The following ADAMTS17 variants were observed in gnomAD, a reference collection of about 807,000 sequenced individuals.
The protein encoded by ADAMTS17 is A disintegrin and metalloproteinase with thrombospondin motifs 17.
A neutral mutation model predicts 141.5 loss-of-function variants in ADAMTS17; 113 were observed. The observed-to-expected ratio is 0.80, with a 90% CI of 0.69 to 0.93. The LOEUF is 0.93. Ranked by LOEUF, ADAMTS17 falls within the 40% of genes least tolerant of loss-of-function variation. The pLI is 0.00. For missense variants in ADAMTS17, 1,659 were observed against 1,517.9 expected (o/e 1.09, Z -1.54); for synonymous variants, 768 against 630.6 (o/e 1.22, Z -3.27).
chr15:100,161,853 C>G, intron 8 of ADAMTS17, among the ~76,000 whole-genome samples: 1 of 152,308 alleles, frequency 6.6e-6, no homozygotes, highest in African/African-American at 2.4e-5. Context: ...AACAAATAGG[C>G]AGCAATAGCA....
At chr15:100,108,009 C>A (rs1378749514) in intron 14 of ADAMTS17, among the ~76,000 whole-genome samples, 1 of 152,122 alleles carries the variant, frequency 6.6e-6, no homozygotes, top group Non-Finnish European at 1.5e-5. Flanking sequence ...TGCTGCGCCA[C>A]CTCAGGAGGT....
intron 3 of ADAMTS17, among the ~76,000 whole-genome samples, chr15:100,294,076 A>C (rs1300400953): frequency 6.6e-6 from 1 of 152,160 alleles, no homozygotes; most frequent in African/African-American, 2.4e-5. Context: ...CTTAAGGTAG[A>C]TGTGGGATTA....
At chr15:100,211,159 G>C (rs1400195424) in intron 7 of ADAMTS17, among the ~76,000 whole-genome samples, 2 of 143,584 alleles carry the variant, frequency 1.4e-5, no homozygotes, top group African/African-American at 5.0e-5. Context: ...AAAATTAGCA[G>C]GGCATGGTGG....
intron 10 of ADAMTS17, among the ~76,000 whole-genome samples, chr15:100,150,473 G>A (rs548427330): frequency 6.6e-6 from 1 of 152,050 alleles, no homozygotes; most frequent in East Asian, 1.9e-4. Flanking sequence ...GTTAAAATGG[G>A]GTTAAAAGCC....
At chr15:100,037,499 C>A (rs2141518229) in intron 18 of ADAMTS17, among the ~76,000 whole-genome samples, 1 of 152,016 alleles carries the variant, frequency 6.6e-6, no homozygotes, top group Admixed American at 6.5e-5. Context: ...CAACCTTCGC[C>A]TCTGGGGCTC....
At chr15:100,034,750 C>A (rs1053072676) in intron 18 of ADAMTS17, among the ~76,000 whole-genome samples, 1 of 152,204 alleles carries the variant, frequency 6.6e-6, no homozygotes, top group Non-Finnish European at 1.5e-5. Flanking sequence ...CTCCATCCTG[C>A]TCCCTCGTGT....
chr15:100,099,392 T>C (rs1032118526), intron 14 of ADAMTS17, among the ~76,000 whole-genome samples: 4 of 152,216 alleles, frequency 2.6e-5, no homozygotes, highest in African/African-American at 4.8e-5. Context: ...GAAACTGGGA[T>C]GGTTTTCAAA....
At chr15:100,110,079 G>A (rs781465248) in intron 13 of ADAMTS17, among the ~76,000 whole-genome samples, 17 of 149,740 alleles carry the variant, frequency 1.1e-4, no homozygotes, top group Non-Finnish European at 1.9e-4. Context: ...GTAATGCTGG[G>A]TCTGTGAACT....
intron 13 of ADAMTS17, among the ~76,000 whole-genome samples, chr15:100,112,603 C>A (rs1217238789): frequency 6.6e-6 from 1 of 152,010 alleles, no homozygotes; most frequent in African/African-American, 2.4e-5. Context: ...AGCTTTGCAC[C>A]CAGCATCAAC....
At chr15:100,246,481 C>T (rs4246310) in intron 7 of ADAMTS17, among the ~76,000 whole-genome samples, 103,171 of 152,078 alleles carry the variant, frequency 0.68, 35,273 homozygotes, top group East Asian at 0.8. Flanking sequence ...AGGTAGCCTC[C>T]GACAAACAGA....
intron 3 of ADAMTS17, among the ~76,000 whole-genome samples, chr15:100,319,151 G>T (rs147301019): frequency 6.6e-6 from 1 of 152,352 alleles, no homozygotes; most frequent in Non-Finnish European, 1.5e-5. Context: ...CCCAAAGAGG[G>T]TAGAATAGCA....
intron 15 of ADAMTS17, among the ~76,000 whole-genome samples, chr15:100,061,422 G>A (rs866935713): frequency 3.3e-5 from 5 of 152,166 alleles, no homozygotes; most frequent in South Asian, 2.1e-4. Flanking sequence ...CCACTATCGC[G>A]GATGCTATTG....
chr15:100,336,988 C>T (rs1273217393), intron 2 of ADAMTS17, among the ~76,000 whole-genome samples: 1 of 152,176 alleles, frequency 6.6e-6, no homozygotes, highest in Middle Eastern at 3.2e-3. Flanking sequence ...ATTCTCCTGC[C>T]TCAGCCTCCC....
At chr15:100,093,254 G>A (rs1596402037) in intron 15 of ADAMTS17, among the ~76,000 whole-genome samples, 1 of 152,250 alleles carries the variant, frequency 6.6e-6, no homozygotes, top group Middle Eastern at 3.4e-3. Flanking sequence ...CGCCACGTGT[G>A]GGTCTGCCCT....
chr15:100,266,552 G>C (rs948996025), intron 4 of ADAMTS17, among the ~76,000 whole-genome samples: 2 of 152,170 alleles, frequency 1.3e-5, no homozygotes, highest in African/African-American at 4.8e-5. Flanking sequence ...CCTGGAATGA[G>C]GCTGCTCTCC....
chr15:100,098,830 G>T (rs1000553851), intron 14 of ADAMTS17, among the ~76,000 whole-genome samples: 3 of 152,090 alleles, frequency 2.0e-5, no homozygotes, highest in African/African-American at 7.2e-5. Flanking sequence ...CTTCTGCTGG[G>T]GCCACAGGGC....
At chr15:100,262,241 G>A in intron 5 of ADAMTS17, 111 bp downstream of exon 5, 1 of 959,484 alleles carries the variant, frequency 1.0e-6, no homozygotes, top group Non-Finnish European at 1.6e-6. Context: ...GCCACAGAGA[G>A]TGACGGAGAC....
intron 18 of ADAMTS17, among the ~76,000 whole-genome samples, chr15:100,041,291 T>G (rs1260277446): frequency 1.3e-5 from 2 of 152,246 alleles, no homozygotes; most frequent in Non-Finnish European, 2.9e-5. Flanking sequence ...CAGTACAGCA[T>G]GTACTGCCTG....
intron 8 of ADAMTS17, among the ~76,000 whole-genome samples, chr15:100,163,429 A>AT (rs139142371): frequency 9.2e-5 from 14 of 151,414 alleles, no homozygotes; most frequent in South Asian, 2.1e-4. Context: ...CATGATCCAC[A>AT]TTTTTTTTTA....
Sources: allele counts gnomAD v4.1 joint callset (sites outside exome capture counted in the v4.1 genomes callset), GRCh38; gene constraint gnomAD v4.1.1; transcripts MANE v1.5; gene names NCBI Gene and HGNC (gene_info 2026-07-23, HGNC 2026-07-21).